Variants in PAPPA2 observed in about 807,000 individuals in gnomAD.
The protein encoded by PAPPA2 is pappalysin 2, also known as pappalysin-2.
A neutral mutation model predicts 176.4 loss-of-function variants in PAPPA2; 86 were observed. That is an observed-to-expected ratio of 0.49 (90% CI 0.41 to 0.58). The LOEUF is 0.58. Ranked by LOEUF, PAPPA2 falls within the 20% of genes least tolerant of loss-of-function variation. The probability of loss-of-function intolerance (pLI) is 0.00; values close to 1 mark genes in which losing one functional copy is unlikely to be tolerated. For synonymous variants in PAPPA2, 809 were observed against 852.2 expected, an observed-to-expected ratio of 0.95 and a Z score of 0.88; for missense variants, 2,073 against 2,256.9, an observed-to-expected ratio of 0.92 and a Z score of 1.65.
At chr1:176,623,712 T>TTCTTTCTC (rs1655807155) in intron 3 of PAPPA2, among the ~76,000 whole-genome samples, 1 of 42,114 alleles carries the variant, frequency 2.4e-5, no homozygotes, top group Non-Finnish European at 4.3e-5. Context: ...CTTTCTTTTC[T>TTCTTTCTC]TCTTTCTTTC....
chr1:176,639,361 C>T (rs1441455270), intron 3 of PAPPA2, among the ~76,000 whole-genome samples: 5 of 152,132 alleles, frequency 3.3e-5, no homozygotes, highest in African/African-American at 1.2e-4. Flanking sequence ...CCTATGCATA[C>T]TGGCCCTTCC....
chr1:176,563,826 A>C (rs1345304670), intron 2 of PAPPA2, among the ~76,000 whole-genome samples: 1 of 152,086 alleles, frequency 6.6e-6, no homozygotes, highest in Non-Finnish European at 1.5e-5. Context: ...CTGCATTTTC[A>C]CTGAGGCCAC....
chr1:176,796,824 CCT>C (rs1665464062), intron 20 of PAPPA2, among the ~76,000 whole-genome samples: 1 of 148,264 alleles, frequency 6.7e-6, no homozygotes, highest in Admixed American at 6.9e-5. Context: ...TTTCTTTCTC[CCT>C]CTTTCTCTTT....
intron 12 of PAPPA2, among the ~76,000 whole-genome samples, chr1:176,732,470 T>G (rs555372965): frequency 6.6e-6 from 1 of 152,204 alleles, no homozygotes; most frequent in African/African-American, 2.4e-5. Context: ...TGCATTTAAG[T>G]TTAAGCTTGA....
intron 1 of PAPPA2, among the ~76,000 whole-genome samples, chr1:176,530,677 A>G (rs995409057): frequency 6.6e-6 from 1 of 152,204 alleles, no homozygotes; most frequent in African/African-American, 2.4e-5. Flanking sequence ...ACTAAGAAAC[A>G]GCAACATCCA....
rs753293270 is a variant in PAPPA2 at position 176,594,686 on chromosome 1, C to T, written c.1082C>T (p.Pro361Leu). 24 of 1,614,222 alleles carry T rather than the reference C, an allele frequency of 1.5e-5. No homozygotes were observed. Among genetic ancestry groups the T allele is most frequent in the Non-Finnish European group, 1.8e-5 (21 of 1,180,044 alleles). Residue 361 changes from proline to leucine, a missense_variant, in exon 3 of 23, where the codon CCA becomes CTA. Transcript: ENST00000367662. ...TILISHSRYQ[P>L]GTWTHVAATY... Reference sequence around the variant, plus strand: ...TTGATTAGCCACAGTCGCTACCAACCAGGCACATGGACCCATGTGGCAGCC... The same window carrying T: ...TTGATTAGCCACAGTCGCTACCAACTAGGCACATGGACCCATGTGGCAGCC...
At chr1:176,489,362 TC>T (rs1652794590) in intron 1 of PAPPA2, among the ~76,000 whole-genome samples, 1 of 152,190 alleles carries the variant, frequency 6.6e-6, no homozygotes, top group African/African-American at 2.4e-5. Flanking sequence ...TAGAGGAGCT[TC>T]CCAAGGGCTG....
intron 4 of PAPPA2, among the ~76,000 whole-genome samples, chr1:176,672,478 G>A (rs945734938): frequency 1.3e-5 from 2 of 151,840 alleles, no homozygotes; most frequent in African/African-American, 4.8e-5. Flanking sequence ...AGAACATATC[G>A]AATTGACAAT....
chr1:176,630,117 G>C (rs1367344205), intron 3 of PAPPA2, among the ~76,000 whole-genome samples: 1 of 152,118 alleles, frequency 6.6e-6, no homozygotes, highest in African/African-American at 2.4e-5. Flanking sequence ...CTAACTCTAG[G>C]ACACAAAGTT....
chr1:176,538,804 T>C (rs1650217106), intron 1 of PAPPA2, among the ~76,000 whole-genome samples: 1 of 152,220 alleles, frequency 6.6e-6, no homozygotes, highest in Non-Finnish European at 1.5e-5. Context: ...TCTTCATTCA[T>C]GGGTCTTTAA....
intron 12 of PAPPA2, among the ~76,000 whole-genome samples, chr1:176,718,881 T>C (rs1464485879): frequency 6.6e-6 from 1 of 152,084 alleles, no homozygotes; most frequent in Non-Finnish European, 1.5e-5. Flanking sequence ...AAGCATTCCA[T>C]ATATTTAAAA....
chr1:176,604,683 T>C (rs1422809594), intron 3 of PAPPA2, among the ~76,000 whole-genome samples: 1 of 152,240 alleles, frequency 6.6e-6, no homozygotes, highest in Non-Finnish European at 1.5e-5. Context: ...TAAATACATA[T>C]TTATCATACC....
At chr1:176,648,954 G>A (rs987841579) in intron 3 of PAPPA2, among the ~76,000 whole-genome samples, 1 of 151,414 alleles carries the variant, frequency 6.6e-6, no homozygotes, top group Non-Finnish European at 1.5e-5. Flanking sequence ...CATAAAATGA[G>A]TTTGGAAGTA....
chr1:176,516,887 T>C (rs1378867326), intron 1 of PAPPA2, among the ~76,000 whole-genome samples: 2 of 152,216 alleles, frequency 1.3e-5, no homozygotes, highest in Non-Finnish European at 2.9e-5. Context: ...CATTCATTTG[T>C]GTGGATAGTT....
intron 1 of PAPPA2, among the ~76,000 whole-genome samples, chr1:176,475,420 T>C (rs1652067574): frequency 6.6e-6 from 1 of 152,200 alleles, no homozygotes; most frequent in African/African-American, 2.4e-5. Flanking sequence ...ACATAAGTTG[T>C]TACTGGCCTC....
intron 14 of PAPPA2, among the ~76,000 whole-genome samples, chr1:176,750,231 T>TA (rs201434642): frequency 6.6e-5 from 10 of 150,908 alleles, no homozygotes; most frequent in African/African-American, 9.7e-5. Flanking sequence ...CCCTGTACAG[T>TA]AAAAAAAAAT....
intron 12 of PAPPA2, among the ~76,000 whole-genome samples, chr1:176,715,909 T>C (rs1260045362): frequency 6.6e-6 from 1 of 152,052 alleles, no homozygotes; most frequent in African/African-American, 2.4e-5. Flanking sequence ...AACAAACTAG[T>C]GCTGGATTAT....
intron 9 of PAPPA2, 143 bp downstream of exon 9, chr1:176,702,878 A>T (rs1007286950): frequency 3.5e-6 from 4 of 1,155,378 alleles, no homozygotes; most frequent in Non-Finnish European, 4.8e-6. Context: ...AAATGTAGGG[A>T]GCAAGGCACC....
At chr1:176,510,932 G>A (rs938784655) in intron 1 of PAPPA2, among the ~76,000 whole-genome samples, 1 of 149,264 alleles carries the variant, frequency 6.7e-6, no homozygotes, top group African/African-American at 2.5e-5. Context: ...TTAATCCAAA[G>A]AAGGCAGAAA....
Sources: gnomAD v4.1 joint callset for allele counts (sites outside exome capture counted in the v4.1 genomes callset) on GRCh38, gnomAD v4.1.1 for gene constraint, MANE v1.5 for transcripts, NCBI Gene and HGNC (gene_info 2026-07-23, HGNC 2026-07-21) for gene names.